RELT: variants seen among roughly 807,000 people sequenced by gnomAD.
The protein encoded by RELT is RELT TNF receptor.
Under a neutral mutation model 51.1 loss-of-function variants are expected in RELT, and 37 were observed. That is an observed-to-expected ratio of 0.72 (90% CI 0.56 to 0.95). The LOEUF (loss-of-function observed/expected upper bound fraction) is 0.95. RELT is among the 40% of genes least tolerant of loss of function. The probability of loss-of-function intolerance (pLI) is 0.00; values close to 1 mark genes in which losing one functional copy is unlikely to be tolerated. For missense variants in RELT, 535 were observed against 572.6 expected (o/e 0.93, Z 0.67); for synonymous variants, 241 against 235.7 (o/e 1.02, Z -0.21).
chr11:73,391,359 C>G (rs1227134778), intron 5 of RELT, 136 bp downstream of exon 5: 2 of 770,312 alleles, frequency 2.6e-6, no homozygotes, highest in Admixed American at 5.2e-5. Flanking sequence ...GGGCGTGCAG[C>G]CAAAGGGTCT....
At position 73,395,173 on chromosome 11, in the gene RELT, G is replaced by A; in HGVS notation, c.1133G>A (p.Gly378Asp). Residue 378 changes from glycine (G) to aspartate (D), a missense_variant, in exon 10 of 11, where the codon GGT (glycine) becomes GAT (aspartate). Gly to Asp is a moderately conservative substitution (Grantham distance 94, BLOSUM62 -1). Coordinates refer to ENST00000064780, the MANE Select transcript of RELT (RefSeq NM_152222.2). ...ATCACGGAGGCTGGGCCCTCGTGGG[G>A]TGATCTCCCTGACTCCCCACAGCCT... ...KTITEAGPSW[G>D]DLPDSPQPGL... The A allele has an allele frequency of 1.5e-5, 24 of 1,613,446 alleles. No individual in the cohort carries two copies. Among genetic ancestry groups the A allele is most frequent in the Non-Finnish European group, 1.9e-5 (23 of 1,179,998 alleles).
intron 1 of RELT, among the ~76,000 whole-genome samples, chr11:73,383,841 A>C (rs1866084068): frequency 6.6e-6 from 1 of 152,238 alleles, no homozygotes; most frequent in Non-Finnish European, 1.5e-5. Flanking sequence ...GAAGAGGGAA[A>C]GCCACTCAGC....
At chr11:73,379,955 T>C (rs1405555828) in intron 1 of RELT, among the ~76,000 whole-genome samples, 1 of 152,238 alleles carries the variant, frequency 6.6e-6, no homozygotes, top group East Asian at 1.9e-4. Flanking sequence ...GCCTTTGCTT[T>C]TAAAGCTTCC....
chr11:73,381,466 C>G (rs746444680), intron 1 of RELT, among the ~76,000 whole-genome samples: 22 of 152,176 alleles, frequency 1.4e-4, no homozygotes, highest in Non-Finnish European at 2.8e-4. Flanking sequence ...CTCAAGGAGC[C>G]TCACCCCTTC....
At chr11:73,386,741 A>G (rs1420383058) in intron 1 of RELT, among the ~76,000 whole-genome samples, 1 of 152,148 alleles carries the variant, frequency 6.6e-6, no homozygotes, top group Non-Finnish European at 1.5e-5. Flanking sequence ...CTGTCTGCAG[A>G]TGAGCAGCTG....
chr11:73,393,572 C>T (rs1468015829), intron 6 of RELT: 1 of 1,434,040 alleles, frequency 7.0e-7, no homozygotes, highest in East Asian at 3.0e-5. Flanking sequence ...CCGCCCAATT[C>T]AATGACTGGA....
At chr11:73,383,579 C>G (rs1477487543) in intron 1 of RELT, among the ~76,000 whole-genome samples, 1 of 152,208 alleles carries the variant, frequency 6.6e-6, no homozygotes. Flanking sequence ...GCAAACACTG[C>G]AAGGACATTT....
In RELT at chr11:73,395,520, C is replaced by T. The variant is rs1866304901; in HGVS notation, c.*29C>T. On this transcript the variant is annotated 3_prime_UTR_variant, in exon 11 of 11. Coordinates refer to ENST00000064780, the MANE Select transcript of RELT (RefSeq NM_152222.2). ...GCGGTCTAGTCTAAGGACACTGCGGCCCTGCCCTGGGAGGTTCCGAAGGCT... is the reference window on the plus strand; with the variant it reads ...GCGGTCTAGTCTAAGGACACTGCGGTCCTGCCCTGGGAGGTTCCGAAGGCT... 1 of 783,118 alleles carries T rather than the reference C, an allele frequency of 1.3e-6. No homozygotes were observed. The highest frequency in any genetic ancestry group is 1.7e-5 in the African/African-American group (1 of 59,196). 48.5% of individuals were successfully genotyped at this position (783,118 alleles called of 1,614,324 possible).
chr11:73,379,042 T>C (rs2134436445), intron 1 of RELT, among the ~76,000 whole-genome samples: 1 of 152,300 alleles, frequency 6.6e-6, no homozygotes, highest in East Asian at 1.9e-4. Flanking sequence ...TCGGTCTCCC[T>C]GTTCTTCCCA....
intron 1 of RELT, among the ~76,000 whole-genome samples, chr11:73,381,907 C>T (rs546181587): frequency 6.1e-4 from 93 of 152,314 alleles, no homozygotes; most frequent in Non-Finnish European, 9.3e-4. Context: ...ACCCAAGCCT[C>T]TGGGTGACCT....
intron 5 of RELT, among the ~76,000 whole-genome samples, chr11:73,391,488 G>A (rs1382695731): frequency 6.6e-6 from 1 of 152,168 alleles, no homozygotes; most frequent in East Asian, 1.9e-4. Context: ...ATACTGACCT[G>A]TCCCCTGTCC....
chr11:73,387,297 G>A (rs1019561779), intron 1 of RELT, among the ~76,000 whole-genome samples: 5 of 152,134 alleles, frequency 3.3e-5, no homozygotes, highest in African/African-American at 1.2e-4. Context: ...AGGCCTAGTG[G>A]GGAAGTGAAG....
intron 1 of RELT, among the ~76,000 whole-genome samples, chr11:73,382,312 A>T (rs1208124781): frequency 1.3e-5 from 2 of 152,162 alleles, no homozygotes; most frequent in East Asian, 1.9e-4. Context: ...TCCCTCCCAA[A>T]GCCTCTGCCC....
chr11:73,390,709 C>A, intron 3 of RELT, 46 bp from the exon 4 acceptor site: 3 of 1,609,096 alleles, frequency 1.9e-6, no homozygotes, highest in Non-Finnish European at 2.5e-6. Context: ...CCCAAGGGTC[C>A]TCAGGCTTGG....
chr11:73,382,537 T>C (rs1866065988), intron 1 of RELT, among the ~76,000 whole-genome samples: 1 of 152,162 alleles, frequency 6.6e-6, no homozygotes, highest in Non-Finnish European at 1.5e-5. Flanking sequence ...CTGTCTGTGG[T>C]GCTGAGAGGT....
chr11:73,386,583 G>C (rs1232190235), intron 1 of RELT, among the ~76,000 whole-genome samples: 1 of 152,212 alleles, frequency 6.6e-6, no homozygotes, highest in Non-Finnish European at 1.5e-5. Flanking sequence ...TGCTGGTTTG[G>C]GGTAATGAGA....
intron 1 of RELT, among the ~76,000 whole-genome samples, chr11:73,381,478 C>G (rs558324608): frequency 6.6e-6 from 1 of 152,058 alleles, no homozygotes; most frequent in African/African-American, 2.4e-5. Flanking sequence ...CACCCCTTCT[C>G]GAGGAATCAA....
At chr11:73,391,941 C>T (rs1029183298) in intron 5 of RELT, 1 of 568,962 alleles carries the variant, frequency 1.8e-6, no homozygotes, top group African/African-American at 1.9e-5. Context: ...TGTGTGCCAT[C>T]TCTTCACCCC....
chr11:73,389,157 C>G lies in RELT; in HGVS notation c.21C>G (p.Cys7Trp). The G allele has an allele frequency of 6.4e-7, 1 of 1,550,890 alleles. No individual in the cohort carries two copies. The highest frequency in any genetic ancestry group is 8.7e-7 in the Non-Finnish European group (1 of 1,147,770). The change falls in exon 2 of 11, where the codon TGC (cysteine) becomes TGG (tryptophan). Residue 7 changes from cysteine to tryptophan, a missense_variant. Cys to Trp is a radical substitution (Grantham distance 215). Transcript: ENST00000064780. ...TGAGGATGAAGCCAAGTCTGCTGTG[C>G]CGGCCCCTGTCCTGCTTCCTTATGG... is the stretch of plus-strand genomic sequence containing the variant. MKPSLLCRPLSCFLMLL... is the reference protein window; with the variant it reads MKPSLLWRPLSCFLMLL...
Sources: gnomAD v4.1 joint callset for allele counts (sites outside exome capture counted in the v4.1 genomes callset) on GRCh38, gnomAD v4.1.1 for gene constraint, MANE v1.5 for transcripts, NCBI Gene and HGNC (gene_info 2026-07-23, HGNC 2026-07-21) for gene names.